Variants in B4GALT1 observed in about 807,000 individuals in gnomAD.
B4GALT1 encodes the protein N-acetyllactosamine synthase.
B4GALT1 carries 16 observed loss-of-function variants against 34.9 expected under a neutral mutation model. The observed-to-expected ratio is 0.46, with a 90% confidence interval of 0.31 to 0.70. The LOEUF is 0.70. Among genes scored for constraint, B4GALT1 ranks in the 30% least tolerant of loss-of-function variants. The pLI is 0.05. For synonymous variants in B4GALT1, 221 were observed against 218.1 expected (o/e 1.01, Z -0.12); for missense variants, 445 against 530.5 (o/e 0.84, Z 1.58).
intron 2 of B4GALT1, among the ~76,000 whole-genome samples, chr9:33,128,183 C>CT (rs1462463154): frequency 1.1e-4 from 17 of 152,274 alleles, no homozygotes; most frequent in African/African-American, 4.1e-4. Context: ...GGAACTCCTC[C>CT]TTCCACTTGC....
At chr9:33,160,519 C>T (rs1033824171) in intron 1 of B4GALT1, among the ~76,000 whole-genome samples, 3 of 152,172 alleles carry the variant, frequency 2.0e-5, no homozygotes, top group South Asian at 2.1e-4. Context: ...ATAATCCCAG[C>T]GCTTTGGGAG....
At chr9:33,123,975 C>T (rs1840058477) in intron 2 of B4GALT1, among the ~76,000 whole-genome samples, 1 of 152,184 alleles carries the variant, frequency 6.6e-6, no homozygotes, top group South Asian at 2.1e-4. Context: ...TCTCCCTCAT[C>T]CCAGCCTGGC....
At position 33,114,479 on chromosome 9, in the gene B4GALT1, A is replaced by G. The variant is rs185043880; in HGVS notation, c.960-601T>C. 2.0e-4 allele frequency among the ~76,000 whole-genome samples: 30 copies of G among 152,318 alleles called. No homozygotes were observed. In the East Asian group the frequency reaches 5.6e-3, roughly 28 times the overall value. On this transcript the variant is annotated intron_variant, in intron 4 of 5. Coordinates refer to ENST00000379731, the MANE Select transcript of B4GALT1 (RefSeq NM_001497.4). ...CAGAGGCCTTCTCAGAGCATCCCAC[A>G]AACGGTTGCCAGTATCTGAAAGGGG... is the stretch of plus-strand genomic sequence containing the variant.
At chr9:33,114,571 G>A (rs1162294692) in intron 4 of B4GALT1, among the ~76,000 whole-genome samples, 1 of 152,116 alleles carries the variant, frequency 6.6e-6, no homozygotes, top group Non-Finnish European at 1.5e-5. Flanking sequence ...GTATACGAAT[G>A]GAGGGCTTCA....
At position 33,112,072 on chromosome 9, in the gene B4GALT1, CA is replaced by C; in HGVS notation, c.*1381del. 6.5e-6 allele frequency: 1 copy of C among 152,776 alleles called. No homozygotes were observed. Among genetic ancestry groups the C allele is most frequent in the Non-Finnish European group, 1.5e-5 (1 of 68,188 alleles). The allele number at this position is 152,776 out of a possible 1,614,324, so 9.5% of individuals were successfully genotyped here. ...AGGGGACAGGCAAGAGGCAAAGGAACAAAAAGGGAGACGAAGGAAGGAATGA... is the reference window on the plus strand; with the variant it reads ...AGGGGACAGGCAAGAGGCAAAGGAACAAAAGGGAGACGAAGGAAGGAATGA... On this transcript the variant is annotated 3_prime_UTR_variant, in exon 6 of 6. Transcript: ENST00000379731.
At chr9:33,138,858 A>C (rs1029312970) in intron 1 of B4GALT1, among the ~76,000 whole-genome samples, 1 of 152,110 alleles carries the variant, frequency 6.6e-6, no homozygotes, top group Admixed American at 6.6e-5. Context: ...GGATTCCCTC[A>C]GCAACTGACA....
intron 1 of B4GALT1, among the ~76,000 whole-genome samples, chr9:33,161,229 T>C (rs932338154): frequency 6.6e-6 from 1 of 152,134 alleles, no homozygotes; most frequent in African/African-American, 2.4e-5. Flanking sequence ...AGCCGCAAAG[T>C]GGAACCTGAA....
At chr9:33,135,074 G>C (rs1223325798) in intron 2 of B4GALT1, 115 bp downstream of exon 2, 1 of 1,114,376 alleles carries the variant, frequency 9.0e-7, no homozygotes, top group Admixed American at 2.0e-5. Flanking sequence ...GTTCCTCGCT[G>C]TAAGTGCCAG....
chr9:33,119,108 C>T (rs1424114512), intron 3 of B4GALT1, among the ~76,000 whole-genome samples: 4 of 152,056 alleles, frequency 2.6e-5, no homozygotes, highest in Non-Finnish European at 5.9e-5. Flanking sequence ...GTGATCTGCC[C>T]GCCTCGGCCT....
rs552088243 is a variant in B4GALT1, at chr9:33,159,938, C to G, written c.412+6820G>C. 2.6e-5 allele frequency among the ~76,000 whole-genome samples: 4 copies of G among 152,380 alleles called. No individual in the cohort carries two copies. In the East Asian group the frequency reaches 7.7e-4, roughly 29 times the overall value. ...AAGCATCACCCCCACCGATTCTGTTCACAGCAGATTTCTGCTCAGCCAGAT... is the reference window on the plus strand; with the variant it reads ...AAGCATCACCCCCACCGATTCTGTTGACAGCAGATTTCTGCTCAGCCAGAT... On this transcript the variant is annotated intron_variant, in intron 1 of 5. Coordinates refer to ENST00000379731, the MANE Select transcript of B4GALT1 (RefSeq NM_001497.4).
chr9:33,169,027 A>C (rs957639083), upstream of B4GALT1, among the ~76,000 whole-genome samples: 26 of 152,118 alleles, frequency 1.7e-4, no homozygotes, highest in Admixed American at 6.5e-5. Context: ...GCTACCTTCA[A>C]AACATCAAAA....
At chr9:33,131,323 A>C (rs925439309) in intron 2 of B4GALT1, among the ~76,000 whole-genome samples, 2 of 152,202 alleles carry the variant, frequency 1.3e-5, no homozygotes, top group Admixed American at 6.5e-5. Context: ...AGAAGTTTCT[A>C]CATTGTCTGG....
intron 1 of B4GALT1, among the ~76,000 whole-genome samples, chr9:33,149,390 T>C (rs1840477478): frequency 6.6e-6 from 1 of 152,000 alleles, no homozygotes; most frequent in African/African-American, 2.4e-5. Flanking sequence ...AAGCAAGCCT[T>C]GTGCCTCAGC....
At chr9:33,139,922 T>C (rs1840324444) in intron 1 of B4GALT1, among the ~76,000 whole-genome samples, 1 of 152,216 alleles carries the variant, frequency 6.6e-6, no homozygotes, top group Non-Finnish European at 1.5e-5. Flanking sequence ...CAGGGTTACG[T>C]AAGCAGATGA....
chr9:33,146,653 T>C (rs530349598), intron 1 of B4GALT1, among the ~76,000 whole-genome samples: 1 of 152,154 alleles, frequency 6.6e-6, no homozygotes, highest in Non-Finnish European at 1.5e-5. Flanking sequence ...ATTTAGACAT[T>C]TGACACACAG....
intron 3 of B4GALT1, among the ~76,000 whole-genome samples, chr9:33,117,676 T>C (rs1839960506): frequency 6.6e-6 from 1 of 152,204 alleles, no homozygotes; most frequent in Non-Finnish European, 1.5e-5. Flanking sequence ...TATTTTCAAA[T>C]ATATTCAGGA....
intron 3 of B4GALT1, among the ~76,000 whole-genome samples, chr9:33,117,728 T>A (rs1003886663): frequency 2.0e-5 from 3 of 152,056 alleles, no homozygotes; most frequent in Non-Finnish European, 4.4e-5. Flanking sequence ...CCCCAGGGGG[T>A]CTGCTTTAAT....
chr9:33,131,992 G>A (rs1192504142), intron 2 of B4GALT1, among the ~76,000 whole-genome samples: 1 of 152,070 alleles, frequency 6.6e-6, no homozygotes, highest in Non-Finnish European at 1.5e-5. Flanking sequence ...TGATCAATTA[G>A]GGTGAGATTG....
chr9:33,123,141 G>T (rs972951194), intron 2 of B4GALT1, among the ~76,000 whole-genome samples: 6 of 152,064 alleles, frequency 3.9e-5, no homozygotes, highest in Admixed American at 2.0e-4. Context: ...AGCTGGGTGT[G>T]GTGGCGGGCG....
Sources: allele counts gnomAD v4.1 joint callset (sites outside exome capture counted in the v4.1 genomes callset), GRCh38; gene constraint gnomAD v4.1.1; transcripts MANE v1.5; gene names NCBI Gene and HGNC (gene_info 2026-07-23, HGNC 2026-07-21).